Variants in TAFA1 observed in about 807,000 individuals in gnomAD.
TAFA1 encodes chemokine-like protein TAFA-1.
TAFA1 carries 4 observed loss-of-function variants against 18.5 expected under a neutral mutation model. The observed-to-expected ratio is 0.22, with a 90% CI of 0.11 to 0.49. The LOEUF is 0.49. Ranked by LOEUF, TAFA1 falls within the 20% of genes least tolerant of loss-of-function variation. The pLI is 0.98. For missense variants in TAFA1, 147 were observed against 169.0 expected, an observed-to-expected ratio of 0.87 and a Z score of 0.72; for synonymous variants, 56 against 55.2, an observed-to-expected ratio of 1.01 and a Z score of -0.06.
At chr3:68,078,819 T>G (rs537376818) in intron 2 of TAFA1, among the ~76,000 whole-genome samples, 2,783 of 152,270 alleles carry the variant, frequency 0.018, 32 homozygotes, top group Non-Finnish European at 0.027. Flanking sequence ...AATGATGCTG[T>G]CCTCATAAAA....
chr3:68,448,465 T>A lies in TAFA1; in HGVS notation c.259+31045T>A, dbSNP rs769376394. 1.8e-4 allele frequency among the ~76,000 whole-genome samples: 27 copies of A among 152,210 alleles called. 1 individual carries two copies. The South Asian group carries it at 2.5e-3, about 14-fold the overall frequency. On this transcript the variant is annotated intron_variant, in intron 3 of 4. Coordinates refer to ENST00000478136, the MANE Select transcript of TAFA1 (RefSeq NM_213609.4). ...TCAATGACTCTATTAATACGACGACTGTACTGTTAAATAAAAATCTTTGTG... is the reference window on the plus strand; with the variant it reads ...TCAATGACTCTATTAATACGACGACAGTACTGTTAAATAAAAATCTTTGTG...
At chr3:68,447,170 A>C (rs752865995) in intron 3 of TAFA1, among the ~76,000 whole-genome samples, 1 of 152,196 alleles carries the variant, frequency 6.6e-6, no homozygotes, top group African/African-American at 2.4e-5. Context: ...GCCATGTATT[A>C]TTGTAGGCAT....
chr3:68,125,752 G>A (rs75735909), intron 2 of TAFA1, among the ~76,000 whole-genome samples: 2,078 of 152,234 alleles, frequency 0.014, 23 homozygotes, highest in Admixed American at 0.025. Flanking sequence ...TGGCAGCTCA[G>A]ACTCACCTTA....
intron 2 of TAFA1, among the ~76,000 whole-genome samples, chr3:68,146,646 T>C (rs1430853998): frequency 6.6e-6 from 1 of 152,218 alleles, no homozygotes; most frequent in Admixed American, 6.5e-5. Context: ...CCTTAAGTAA[T>C]CTACAAATAT....
At chr3:68,279,710 A>AT (rs879332964) in intron 2 of TAFA1, among the ~76,000 whole-genome samples, 3 of 152,158 alleles carry the variant, frequency 2.0e-5, no homozygotes, top group Non-Finnish European at 4.4e-5. Context: ...TGCCAAGGAG[A>AT]TAGTTTTCTA....
intron 3 of TAFA1, among the ~76,000 whole-genome samples, chr3:68,505,549 T>G (rs959734688): frequency 2.6e-5 from 4 of 152,166 alleles, no homozygotes; most frequent in Non-Finnish European, 5.9e-5. Context: ...CTTACCAGGG[T>G]GCAATCAGTG....
intron 4 of TAFA1, among the ~76,000 whole-genome samples, chr3:68,539,998 C>G (rs1194310204): frequency 6.6e-6 from 1 of 152,090 alleles, no homozygotes; most frequent in African/African-American, 2.4e-5. Context: ...TACCAAAGGT[C>G]TGATGTATTT....
chr3:68,330,252 G>A (rs6798891), intron 2 of TAFA1, among the ~76,000 whole-genome samples: 3 of 152,108 alleles, frequency 2.0e-5, no homozygotes, highest in Non-Finnish European at 4.4e-5. Flanking sequence ...TCAGATTCTG[G>A]TTCAGTTTGG....
chr3:68,261,014 C>G (rs1432301716), intron 2 of TAFA1, among the ~76,000 whole-genome samples: 4 of 151,862 alleles, frequency 2.6e-5, no homozygotes, highest in Non-Finnish European at 5.9e-5. Context: ...TTTTTGCAAC[C>G]TACTCATCTG....
chr3:68,111,275 C>T (rs2065259075), intron 2 of TAFA1, among the ~76,000 whole-genome samples: 1 of 152,074 alleles, frequency 6.6e-6, no homozygotes, highest in Admixed American at 6.6e-5. Context: ...GCCAGAAGAA[C>T]AATGAGCTGA....
chr3:68,475,487 G>A lies in TAFA1; in HGVS notation c.259+58067G>A, dbSNP rs555918537. Among the ~76,000 whole-genome samples, 57 of 152,210 alleles carry A rather than the reference G, an allele frequency of 3.7e-4. No individual in the cohort carries two copies. The South Asian group carries it at 5.4e-3, about 14-fold the overall frequency. On this transcript the variant is annotated intron_variant, in intron 3 of 4. Transcript: ENST00000478136. The stretch of plus-strand genomic sequence containing the variant: ...ATCTGTGTCCCTACAAAGGACATGA[G>A]CTCATCATTTTTTATGGCTGCGTAG...
At chr3:68,351,735 TAATGTGG>T (rs2069274664) in intron 2 of TAFA1, among the ~76,000 whole-genome samples, 1 of 151,958 alleles carries the variant, frequency 6.6e-6, no homozygotes, top group African/African-American at 2.4e-5. Context: ...ACAAGCTTGT[TAATGTGG>T]ATTCCTCTGG....
intron 2 of TAFA1, among the ~76,000 whole-genome samples, chr3:68,314,087 T>G (rs992042206): frequency 6.6e-6 from 1 of 152,204 alleles, no homozygotes; most frequent in Non-Finnish European, 1.5e-5. Context: ...CTCCCATCGT[T>G]CTTGTTTATT....
intron 2 of TAFA1, among the ~76,000 whole-genome samples, chr3:68,149,608 G>C (rs918714981): frequency 1.4e-4 from 21 of 152,174 alleles, no homozygotes; most frequent in African/African-American, 5.1e-4. Context: ...TTGTGGGAAT[G>C]AATAGAGCAA....
intron 2 of TAFA1, among the ~76,000 whole-genome samples, chr3:68,116,680 C>T (rs554280118): frequency 6.6e-6 from 1 of 152,262 alleles, no homozygotes; most frequent in Non-Finnish European, 1.5e-5. Flanking sequence ...ACCTATTTAT[C>T]TTTGTCTGCT....
chr3:68,506,734 C>G (rs139521891), intron 3 of TAFA1, among the ~76,000 whole-genome samples: 14 of 152,202 alleles, frequency 9.2e-5, no homozygotes, highest in East Asian at 7.7e-4. Flanking sequence ...CCTGGTTGCT[C>G]TAGCTGAGAA....
intron 3 of TAFA1, among the ~76,000 whole-genome samples, chr3:68,457,639 T>A (rs2071689430): frequency 6.6e-6 from 1 of 152,206 alleles, no homozygotes; most frequent in Non-Finnish European, 1.5e-5. Context: ...TATTTATCAC[T>A]CTTTGTGGTG....
intron 2 of TAFA1, among the ~76,000 whole-genome samples, chr3:68,049,299 G>A (rs914336383): frequency 6.6e-6 from 1 of 152,010 alleles, no homozygotes; most frequent in Non-Finnish European, 1.5e-5. Flanking sequence ...TTCTCCTTGG[G>A]GAGCAGCTCT....
chr3:68,032,078 T>C (rs1234692261), intron 2 of TAFA1, among the ~76,000 whole-genome samples: 1 of 152,174 alleles, frequency 6.6e-6, no homozygotes, highest in East Asian at 1.9e-4. Context: ...ATCTTAAATA[T>C]CATGTAGGTA....
Sources: gnomAD v4.1 joint callset for allele counts (sites outside exome capture counted in the v4.1 genomes callset) on GRCh38, gnomAD v4.1.1 for gene constraint, MANE v1.5 for transcripts, NCBI Gene and HGNC (gene_info 2026-07-23, HGNC 2026-07-21) for gene names.